Variants in RGS7BP observed in about 807,000 individuals in gnomAD.
RGS7BP encodes regulator of G protein signaling 7-binding protein.
A neutral mutation model predicts 31.3 loss-of-function variants in RGS7BP; 9 were observed. That is an observed-to-expected ratio of 0.29 (90% CI 0.17 to 0.50). The LOEUF (loss-of-function observed/expected upper bound fraction) is 0.50, where lower values mean the gene tolerates loss of function less well. Ranked by LOEUF, RGS7BP falls within the 20% of genes least tolerant of loss-of-function variation. The pLI is 0.98. For missense variants in RGS7BP, 274 were observed against 322.0 expected, an observed-to-expected ratio of 0.85 and a Z score of 1.14; for synonymous variants, 115 against 120.1, an observed-to-expected ratio of 0.96 and a Z score of 0.28.
At chr5:64,603,023 G>A (rs897726132) in intron 5 of RGS7BP, among the ~76,000 whole-genome samples, 1 of 152,150 alleles carries the variant, frequency 6.6e-6, no homozygotes, top group African/African-American at 2.4e-5. Context: ...AAGTAGTTGG[G>A]AAAGTCTCTA....
intron 2 of RGS7BP, among the ~76,000 whole-genome samples, chr5:64,532,938 C>CA (rs1232681399): frequency 1.1e-4 from 16 of 152,194 alleles, no homozygotes; most frequent in African/African-American, 3.9e-4. Flanking sequence ...GCCCACTTAC[C>CA]TCACAGCCTC....
At chr5:64,605,908 T>C (rs1743339822) in intron 5 of RGS7BP, among the ~76,000 whole-genome samples, 1 of 144,746 alleles carries the variant, frequency 6.9e-6, no homozygotes, top group Non-Finnish European at 1.5e-5. Flanking sequence ...TATATGTATA[T>C]CTGGATACAT....
At chr5:64,540,309 T>C (rs1331672183) in intron 2 of RGS7BP, among the ~76,000 whole-genome samples, 7 of 152,190 alleles carry the variant, frequency 4.6e-5, no homozygotes, top group Admixed American at 4.6e-4. Flanking sequence ...GAACTCATGT[T>C]GTATGTACCA....
At chr5:64,578,518 C>A (rs2111907946) in intron 3 of RGS7BP, among the ~76,000 whole-genome samples, 1 of 152,264 alleles carries the variant, frequency 6.6e-6, no homozygotes, top group Admixed American at 6.5e-5. Flanking sequence ...GATTCTGAAA[C>A]ACATTGAGGA....
chr5:64,609,141 C>G lies in RGS7BP; in HGVS notation c.683-20C>G. ...GTTGTGTCTATACCTCACTTATGTG[C>G]ACATTATGTCCCATCACAGATGACA... is the stretch of plus-strand genomic sequence containing the variant. On this transcript the variant is annotated intron_variant, in intron 5 of 5. Coordinates refer to ENST00000334025, the MANE Select transcript of RGS7BP (RefSeq NM_001029875.3). The G allele has an allele frequency of 6.6e-7, 1 of 1,504,362 alleles. No homozygotes were observed. The highest frequency in any genetic ancestry group is 2.3e-5 in the East Asian group (1 of 44,278). The allele number at this position is 1,504,362 out of a possible 1,614,324, so 93.2% of individuals were successfully genotyped here.
At chr5:64,559,228 C>A (rs1741995450) in intron 2 of RGS7BP, among the ~76,000 whole-genome samples, 1 of 152,152 alleles carries the variant, frequency 6.6e-6, no homozygotes, top group Non-Finnish European at 1.5e-5. Flanking sequence ...AGACACCCAG[C>A]TTTAAAATTT....
chr5:64,563,424 T>C (rs1561336018), intron 2 of RGS7BP, among the ~76,000 whole-genome samples: 1 of 152,168 alleles, frequency 6.6e-6, no homozygotes, highest in Non-Finnish European at 1.5e-5. Flanking sequence ...GAAATCTTAC[T>C]GGAGTAGAGT....
intron 3 of RGS7BP, among the ~76,000 whole-genome samples, chr5:64,593,873 C>G (rs76488526): frequency 6.6e-6 from 1 of 152,032 alleles, no homozygotes; most frequent in Non-Finnish European, 1.5e-5. Context: ...TAGGATACCC[C>G]CCTATGGATG....
At chr5:64,535,123 C>T (rs914861406) in intron 2 of RGS7BP, among the ~76,000 whole-genome samples, 4 of 151,960 alleles carry the variant, frequency 2.6e-5, no homozygotes, top group Non-Finnish European at 5.9e-5. Context: ...ACATGAGCAG[C>T]CAGAGGAGCA....
chr5:64,584,810 T>G (rs1277613277), intron 3 of RGS7BP, among the ~76,000 whole-genome samples: 1 of 152,256 alleles, frequency 6.6e-6, no homozygotes, highest in Non-Finnish European at 1.5e-5. Context: ...TTATTATTTT[T>G]TGCCATGTGT....
At chr5:64,591,843 A>G (rs1363067371) in intron 3 of RGS7BP, among the ~76,000 whole-genome samples, 2 of 152,160 alleles carry the variant, frequency 1.3e-5, no homozygotes, top group African/African-American at 2.4e-5. Flanking sequence ...CTGTATATCT[A>G]TTGAGATACT....
rs749773480 is a variant in RGS7BP at position 64,506,824 on chromosome 5, T to TA, written c.165+37dup. On this transcript the variant is annotated intron_variant, in intron 1 of 5. Coordinates refer to ENST00000334025, the MANE Select transcript of RGS7BP (RefSeq NM_001029875.3). The surrounding 1 kb of genome is among the most constrained non-coding windows in gnomAD (Gnocchi z 4.6). ...AACTGCGCCTCTTTTTTTTTTTTTT[T>TA]AATTGAGAGGGGGTGGGGGGAGTCA... 6.0e-6 allele frequency: 9 copies of TA among 1,494,406 alleles called. No individual in the cohort carries two copies. Among genetic ancestry groups the TA allele is most frequent in the Non-Finnish European group, 8.1e-6 (9 of 1,106,604 alleles). The allele number at this position is 1,494,406 out of a possible 1,614,324, so 92.6% of individuals were successfully genotyped here. A position where few individuals can be genotyped will look rare whatever the true frequency, so the allele number is the denominator to read the frequency against.
intron 2 of RGS7BP, among the ~76,000 whole-genome samples, chr5:64,555,662 C>A (rs1369223337): frequency 6.6e-6 from 1 of 152,016 alleles, no homozygotes; most frequent in African/African-American, 2.4e-5. Flanking sequence ...AGGGTATGAA[C>A]AGACAATTGA....
chr5:64,560,309 C>A (rs1452030876), intron 2 of RGS7BP, among the ~76,000 whole-genome samples: 3 of 152,022 alleles, frequency 2.0e-5, no homozygotes, highest in African/African-American at 7.2e-5. Context: ...AGGCCCCACC[C>A]CTGACCCACT....
chr5:64,605,649 T>C (rs1743333026), intron 5 of RGS7BP, among the ~76,000 whole-genome samples: 1 of 152,042 alleles, frequency 6.6e-6, no homozygotes, highest in Non-Finnish European at 1.5e-5. Flanking sequence ...ATTTTTTAGC[T>C]TTTCTATTAC....
intron 3 of RGS7BP, among the ~76,000 whole-genome samples, chr5:64,583,029 G>T (rs1291814264): frequency 6.6e-6 from 1 of 152,164 alleles, no homozygotes; most frequent in Non-Finnish European, 1.5e-5. Flanking sequence ...ATTCTTTGAA[G>T]AAATATTTGT....
chr5:64,562,982 A>G (rs1742088912), intron 2 of RGS7BP, among the ~76,000 whole-genome samples: 1 of 151,980 alleles, frequency 6.6e-6, no homozygotes, highest in Non-Finnish European at 1.5e-5. Flanking sequence ...ATTTTCTAAG[A>G]ATGTTGCCCC....
At chr5:64,605,940 A>G (rs962310394) in intron 5 of RGS7BP, among the ~76,000 whole-genome samples, 3 of 132,030 alleles carry the variant, frequency 2.3e-5, no homozygotes, top group Non-Finnish European at 3.4e-5. Flanking sequence ...ATATATATGT[A>G]TATCTGGATA....
intron 2 of RGS7BP, among the ~76,000 whole-genome samples, chr5:64,556,772 TG>T (rs1741938668): frequency 1.3e-5 from 2 of 152,062 alleles, no homozygotes; most frequent in Admixed American, 6.6e-5. Context: ...TATTTTTATT[TG>T]ACATTATCCC....
Sources: allele counts gnomAD v4.1 joint callset (sites outside exome capture counted in the v4.1 genomes callset), GRCh38; gene constraint gnomAD v4.1.1; non-coding constraint Gnocchi (gnomAD v3.1); transcripts MANE v1.5; gene names NCBI Gene and HGNC (gene_info 2026-07-23, HGNC 2026-07-21).